The following RAB28 variants were observed in gnomAD, a reference collection of about 807,000 sequenced individuals.
RAB28 encodes RAB28, member RAS oncogene family.
RAB28 carries 24 observed loss-of-function variants against 31.7 expected under a neutral mutation model. The ratio of observed to expected loss-of-function variants is 0.76; its 90% CI spans 0.55 to 1.06. The LOEUF (loss-of-function observed/expected upper bound fraction) is 1.06. Ranked by LOEUF, RAB28 falls within the 50% of genes least tolerant of loss-of-function variation. The probability of loss-of-function intolerance (pLI) is 0.00; values close to 1 mark genes in which losing one functional copy is unlikely to be tolerated. For synonymous variants in RAB28, 100 were observed against 90.4 expected, an observed-to-expected ratio of 1.11 and a Z score of -0.60; for missense variants, 254 against 258.5, an observed-to-expected ratio of 0.98 and a Z score of 0.12.
chr4:13,432,076 T>C (rs996203613), intron 4 of RAB28, among the ~76,000 whole-genome samples: 1 of 152,072 alleles, frequency 6.6e-6, no homozygotes, highest in Non-Finnish European at 1.5e-5. Context: ...AAAGATGAGA[T>C]AGCTATATTA....
At chr4:13,440,687 G>T (rs1188122080) in intron 4 of RAB28, among the ~76,000 whole-genome samples, 5 of 152,048 alleles carry the variant, frequency 3.3e-5, no homozygotes, top group Non-Finnish European at 5.9e-5. Context: ...GGACTGAATT[G>T]TATCACCCCA....
chr4:13,478,879 C>T lies in RAB28; in HGVS notation c.172+551G>A, dbSNP rs185691347. On this transcript the variant is annotated intron_variant, in intron 2 of 6. Transcript: ENST00000330852. ...ATGGTGAAGTGAAACATCTTGAATG[C>T]TCAAACTGTATTTTTATGAGTGCCT... Among the ~76,000 whole-genome samples, 6 of 151,686 alleles carry T rather than the reference C, an allele frequency of 4.0e-5. No homozygotes were observed. In the East Asian group the frequency reaches 1.2e-3, roughly 29 times the overall value.
rs111312721 is a variant in RAB28, at chr4:13,422,143, A to G, written c.391+38556T>C. On this transcript the variant is annotated intron_variant, in intron 4 of 6. Coordinates refer to ENST00000330852, the MANE Select transcript of RAB28 (RefSeq NM_001017979.3). ...AGACATTCATGCAGCCAGCAGACAC[A>G]TGAAAAAATGCTCATCATCACTGGC... Among the ~76,000 whole-genome samples, 425 of 152,332 alleles carry G rather than the reference A, an allele frequency of 2.8e-3. 5 individuals are homozygous for G. Among genetic ancestry groups the G allele is most frequent in the African/African-American group, 9.0e-3 (373 of 41,582 alleles).
intron 4 of RAB28, among the ~76,000 whole-genome samples, chr4:13,434,570 G>C (rs1713988521): frequency 1.3e-5 from 2 of 152,126 alleles, no homozygotes; most frequent in African/African-American, 4.8e-5. Flanking sequence ...ATAGTCTATA[G>C]ACAGTTCACC....
chr4:13,401,668 T>C (rs1017954653), intron 4 of RAB28, among the ~76,000 whole-genome samples: 1 of 152,224 alleles, frequency 6.6e-6, no homozygotes, highest in Non-Finnish European at 1.5e-5. Context: ...TTCCTGACAG[T>C]GTAATTTGTA....
chr4:13,368,741 G>A (rs1728608335), intron 6 of RAB28, 91 bp from the exon 7 acceptor site: 2 of 1,066,172 alleles, frequency 1.9e-6, no homozygotes, highest in Admixed American at 2.8e-5. Flanking sequence ...GAACTTTGCT[G>A]AACTTCTGAT....
rs187923450 is a variant in RAB28 at position 13,390,578 on chromosome 4, C to T, written c.392-8984G>A. On this transcript the variant is annotated intron_variant, in intron 4 of 6. Transcript: ENST00000330852. ...TTGGAAAAAACTACTTTAAAGTTCACATGGAATCAAAAAAAAAAAAAGCCT... is the reference window on the plus strand; with the variant it reads ...TTGGAAAAAACTACTTTAAAGTTCATATGGAATCAAAAAAAAAAAAAGCCT... 3.4e-5 allele frequency among the ~76,000 whole-genome samples: 5 copies of T among 147,662 alleles called. No homozygotes were observed. In the East Asian group the frequency reaches 9.9e-4, roughly 29 times the overall value.
intron 4 of RAB28, among the ~76,000 whole-genome samples, chr4:13,392,501 T>C (rs576263906): frequency 7.2e-5 from 11 of 152,284 alleles, no homozygotes; most frequent in African/African-American, 2.4e-4. Context: ...GGGTTGAATA[T>C]AGTTATAGTT....
intron 4 of RAB28, among the ~76,000 whole-genome samples, chr4:13,452,125 T>C (rs955529706): frequency 2.0e-5 from 3 of 151,994 alleles, no homozygotes; most frequent in South Asian, 4.1e-4. Context: ...ATGGTATCTA[T>C]TGTGACATCT....
chr4:13,446,225 T>C (rs926617637), intron 4 of RAB28, among the ~76,000 whole-genome samples: 2 of 151,958 alleles, frequency 1.3e-5, no homozygotes, highest in African/African-American at 4.8e-5. Flanking sequence ...CCAACCAAAC[T>C]TGGTCCTCCC....
chr4:13,398,951 C>G (rs922526050), intron 4 of RAB28, among the ~76,000 whole-genome samples: 1 of 151,958 alleles, frequency 6.6e-6, no homozygotes, highest in African/African-American at 2.4e-5. Context: ...AGAAAACTGC[C>G]CAATCACAAC....
chr4:13,455,405 C>G (rs927578297), intron 4 of RAB28, among the ~76,000 whole-genome samples: 1 of 152,204 alleles, frequency 6.6e-6, no homozygotes, highest in Non-Finnish European at 1.5e-5. Context: ...ACTGGTTCCC[C>G]TGCTGTGCAG....
intron 4 of RAB28, among the ~76,000 whole-genome samples, chr4:13,405,076 C>T (rs185239798): frequency 3.3e-5 from 5 of 152,054 alleles, no homozygotes; most frequent in African/African-American, 9.6e-5. Flanking sequence ...TGTCTCCTAA[C>T]GAGAATTTAA....
intron 4 of RAB28, among the ~76,000 whole-genome samples, chr4:13,408,518 C>T (rs1035918318): frequency 1.3e-5 from 2 of 152,078 alleles, no homozygotes; most frequent in African/African-American, 4.8e-5. Flanking sequence ...CAGGATGATG[C>T]TGGCCTCATA....
At chr4:13,408,105 T>C (rs1475123973) in intron 4 of RAB28, among the ~76,000 whole-genome samples, 1 of 152,216 alleles carries the variant, frequency 6.6e-6, no homozygotes, top group Non-Finnish European at 1.5e-5. Context: ...TCAAAGGGAA[T>C]GCTTCCAGCT....
intron 4 of RAB28, among the ~76,000 whole-genome samples, chr4:13,407,739 T>C (rs1221857874): frequency 6.6e-6 from 1 of 152,212 alleles, no homozygotes; most frequent in African/African-American, 2.4e-5. Context: ...GTAAGTTGTA[T>C]TCCTAGGCAT....
intron 4 of RAB28, among the ~76,000 whole-genome samples, chr4:13,387,015 T>C (rs1231142343): frequency 1.3e-5 from 2 of 152,068 alleles, no homozygotes; most frequent in Admixed American, 6.5e-5. Context: ...ATATGACATG[T>C]TCTCACTTAT....
chr4:13,458,932 C>T (rs573192300), intron 4 of RAB28, among the ~76,000 whole-genome samples: 81 of 152,236 alleles, frequency 5.3e-4, no homozygotes, highest in Admixed American at 9.2e-4. Flanking sequence ...AAGTATTGTT[C>T]CTGCATGTGT....
At chr4:13,445,051 A>G (rs1360633782) in intron 4 of RAB28, among the ~76,000 whole-genome samples, 2 of 151,884 alleles carry the variant, frequency 1.3e-5, no homozygotes, top group Middle Eastern at 3.4e-3. Flanking sequence ...ACATAGTACC[A>G]TATTTCTTGG....
Sources: allele counts gnomAD v4.1 joint callset (sites outside exome capture counted in the v4.1 genomes callset), GRCh38; gene constraint gnomAD v4.1.1; transcripts MANE v1.5; gene names NCBI Gene and HGNC (gene_info 2026-07-23, HGNC 2026-07-21).